The following USH2A variants were observed in gnomAD, a reference collection of about 807,000 sequenced individuals.
The protein encoded by USH2A is usherin, also known as Usher syndrome 2A (autosomal recessive, mild).
In USH2A, 443 loss-of-function variants were observed where a neutral mutation model predicts 538.9. That is an observed-to-expected ratio of 0.82 (90% confidence interval 0.76 to 0.89). USH2A has a LOEUF of 0.89. Among genes scored for constraint, USH2A ranks in the 40% least tolerant of loss-of-function variants. The pLI, the probability that USH2A is intolerant of heterozygous loss-of-function variation, is 0.00. For missense variants in USH2A, 6,633 were observed against 6,324.8 expected, an observed-to-expected ratio of 1.05 and a Z score of -1.65; for synonymous variants, 2,413 against 2,273.5, an observed-to-expected ratio of 1.06 and a Z score of -1.75.
At chr1:216,213,487 T>G (rs1257942873) in intron 15 of USH2A, among the ~76,000 whole-genome samples, 1 of 151,972 alleles carries the variant, frequency 6.6e-6, no homozygotes, top group African/African-American at 2.4e-5. Flanking sequence ...AGGATGGCAA[T>G]TTCAACAAAT....
At chr1:215,937,842 ATAT>A (rs1024860018) in intron 37 of USH2A, among the ~76,000 whole-genome samples, 3 of 152,142 alleles carry the variant, frequency 2.0e-5, no homozygotes, top group Non-Finnish European at 4.4e-5. Flanking sequence ...CAATGAGTAA[ATAT>A]GTATGAGTAT....
chr1:216,089,353 C>A (rs1010081702), intron 22 of USH2A, among the ~76,000 whole-genome samples: 1 of 152,042 alleles, frequency 6.6e-6, no homozygotes, highest in African/African-American at 2.4e-5. Context: ...CCACAGTGTA[C>A]AGATCTGTAA....
chr1:216,413,972 A>T (rs1015121944), intron 3 of USH2A, among the ~76,000 whole-genome samples: 1 of 152,274 alleles, frequency 6.6e-6, no homozygotes, highest in East Asian at 1.9e-4. Context: ...ATGAAATGCC[A>T]CTAAACACAT....
At chr1:216,237,597 T>G (rs3767693) in intron 13 of USH2A, among the ~76,000 whole-genome samples, 48,731 of 151,818 alleles carry the variant, frequency 0.32, 9,650 homozygotes, top group East Asian at 0.68. Flanking sequence ...GCTCTTCTAC[T>G]TAATTAGATT....
intron 43 of USH2A, among the ~76,000 whole-genome samples, chr1:215,874,705 A>C (rs1366888622): frequency 6.6e-6 from 1 of 152,218 alleles, no homozygotes; most frequent in Non-Finnish European, 1.5e-5. Context: ...AGTGCCATTT[A>C]AAAGCTGATT....
rs138408405 is a variant in USH2A, at chr1:216,000,523, G to A, written c.6365C>T (p.Ala2122Val). The A allele has an allele frequency of 6.2e-7, 1 of 1,613,634 alleles. No homozygotes were observed. Among genetic ancestry groups the A allele is most frequent in the South Asian group, 1.1e-5 (1 of 91,076 alleles). Residue 2122 changes from alanine to valine, a missense_variant, in exon 33 of 72, where the codon GCA becomes GTA. Physicochemically the swap from Ala to Val is moderately conservative, Grantham distance 64 (BLOSUM62 0). Coordinates refer to ENST00000307340, the MANE Select transcript of USH2A (RefSeq NM_206933.4). ...GTTTGTACAGCCCACATGTGTGCAT[G>A]CACTTAGTAGAAACTGGTGGGGTGT... is the stretch of plus-strand genomic sequence containing the variant. ...VFTPHQFLLS[A>V]CTHVGCTNSS...
At chr1:215,798,851 A>ACT (rs1571697274) in intron 50 of USH2A, 56 bp downstream of exon 50, 6 of 1,602,276 alleles carry the variant, frequency 3.7e-6, no homozygotes, top group African/African-American at 1.3e-5. Context: ...CAAATTTCTC[A>ACT]CTCTCTCTGC....
chr1:215,684,734 C>T (rs1353074040), intron 61 of USH2A, among the ~76,000 whole-genome samples: 1 of 152,190 alleles, frequency 6.6e-6, no homozygotes, highest in Non-Finnish European at 1.5e-5. Flanking sequence ...GGGATTTCTT[C>T]TGGCTTTGTC....
At chr1:216,402,874 G>A (rs1199244685) in intron 3 of USH2A, among the ~76,000 whole-genome samples, 3 of 152,086 alleles carry the variant, frequency 2.0e-5, no homozygotes, top group Non-Finnish European at 4.4e-5. Context: ...AAGCAGCGTG[G>A]AAGGGGAAAT....
intron 12 of USH2A, among the ~76,000 whole-genome samples, chr1:216,250,476 C>A (rs537307705): frequency 6.6e-6 from 1 of 151,942 alleles, no homozygotes; most frequent in African/African-American, 2.4e-5. Flanking sequence ...CACAAAGGAC[C>A]CTGTAGCACA....
At chr1:215,820,744 C>T (rs1662988366) in intron 47 of USH2A, among the ~76,000 whole-genome samples, 1 of 151,702 alleles carries the variant, frequency 6.6e-6, no homozygotes, top group South Asian at 2.1e-4. Context: ...CTCCCTCTCC[C>T]CATGACCCTC....
intron 67 of USH2A, among the ~76,000 whole-genome samples, chr1:215,643,291 C>T (rs1219281152): frequency 6.6e-6 from 1 of 152,144 alleles, no homozygotes; most frequent in Non-Finnish European, 1.5e-5. Flanking sequence ...AGACACCACA[C>T]CAGGCCCCAA....
intron 37 of USH2A, among the ~76,000 whole-genome samples, chr1:215,964,950 A>C (rs1667300779): frequency 6.6e-6 from 1 of 152,198 alleles, no homozygotes; most frequent in Admixed American, 6.6e-5. Flanking sequence ...ACGATGTTTT[A>C]GGTTTGAACC....
intron 38 of USH2A, among the ~76,000 whole-genome samples, chr1:215,915,072 A>C (rs1191966150): frequency 6.6e-6 from 1 of 152,238 alleles, no homozygotes; most frequent in East Asian, 1.9e-4. Context: ...CATCACACTG[A>C]ATCCTCCTAA....
At chr1:215,842,978 C>T (rs1196479488) in intron 46 of USH2A, among the ~76,000 whole-genome samples, 1 of 151,790 alleles carries the variant, frequency 6.6e-6, no homozygotes, top group Non-Finnish European at 1.5e-5. Flanking sequence ...AAATAAAATA[C>T]ATTTAAATGA....
At chr1:216,349,883 T>C (rs1302041683) in intron 4 of USH2A, among the ~76,000 whole-genome samples, 1 of 152,214 alleles carries the variant, frequency 6.6e-6, no homozygotes, top group Non-Finnish European at 1.5e-5. Flanking sequence ...TAACAAAGGA[T>C]AATGTATTAG....
chr1:215,854,641 C>T (rs1233335407), intron 44 of USH2A, among the ~76,000 whole-genome samples: 1 of 152,188 alleles, frequency 6.6e-6, no homozygotes, highest in Non-Finnish European at 1.5e-5. Context: ...ATGGGTCTTC[C>T]AGTCCACGGC....
intron 47 of USH2A, among the ~76,000 whole-genome samples, chr1:215,824,255 T>C (rs189959950): frequency 6.6e-6 from 1 of 152,318 alleles, no homozygotes; most frequent in East Asian, 1.9e-4. Context: ...TCTATGTCTT[T>C]GCATTGAAGG....
intron 68 of USH2A, 53 bp downstream of exon 68, chr1:215,640,505 A>C: frequency 1.2e-6 from 2 of 1,610,250 alleles, no homozygotes; most frequent in Non-Finnish European, 1.7e-6. Context: ...GCATCCCGTA[A>C]AGCTGGGGAA....
Sources: gnomAD v4.1 joint callset for allele counts (sites outside exome capture counted in the v4.1 genomes callset) on GRCh38, gnomAD v4.1.1 for gene constraint, MANE v1.5 for transcripts, NCBI Gene and HGNC (gene_info 2026-07-23, HGNC 2026-07-21) for gene names.